The following ZFX variants were observed in gnomAD, a reference collection of about 807,000 sequenced individuals.
The protein encoded by ZFX is zinc finger protein X-linked.
For missense variants in ZFX, 362 were observed against 628.3 expected, an observed-to-expected ratio of 0.58 and a Z score of 4.53; for synonymous variants, 196 against 226.8, an observed-to-expected ratio of 0.86 and a Z score of 1.22.
chrX:24,184,075 T>G (rs1935912037), intron 5 of ZFX, among the ~76,000 whole-genome samples: 1 of 111,967 alleles, frequency 8.9e-6, no homozygotes, highest in Non-Finnish European at 1.9e-5. Flanking sequence ...CACAGATAAA[T>G]TTCATGTTTA....
At chrX:24,171,863 T>C (rs773710160) in intron 3 of ZFX, among the ~76,000 whole-genome samples, 1 of 108,555 alleles carries the variant, frequency 9.2e-6, no homozygotes, top group Non-Finnish European at 1.9e-5. Context: ...CAAAATGACT[T>C]TTCTCAGCTC....
intron 4 of ZFX, among the ~76,000 whole-genome samples, chrX:24,177,239 ATTTTATTTT>A (rs1935232389): frequency 8.9e-6 from 1 of 111,872 alleles, no homozygotes; most frequent in African/African-American, 3.2e-5. Flanking sequence ...GCCTTCTTTT[ATTTTATTTT>A]ATATTTTTGA....
At chrX:24,173,337 T>C (rs1354490927) in intron 4 of ZFX, among the ~76,000 whole-genome samples, 3 of 110,620 alleles carry the variant, frequency 2.7e-5, no homozygotes, top group Non-Finnish European at 3.8e-5. Context: ...TTCTCTATTC[T>C]CTAATACCCA....
At chrX:24,150,195 A>C (rs1437272079) in intron 1 of ZFX, 3 of 37,078 alleles carry the variant, frequency 8.1e-5, no homozygotes, top group Admixed American at 3.9e-4. Flanking sequence ...GGGGGGAGGG[A>C]CGGGGGACAA....
Position 24,210,334 on chromosome X carries a change from C to T in ZFX, c.1376C>T (p.Thr459Ile), listed in dbSNP as rs1322401348. Reference protein sequence around the residue: ...EHLAKKKYRCTDCDYTTNKKI... With the variant: ...EHLAKKKYRCIDCDYTTNKKI... Reference sequence around the variant, plus strand: ...CTTGCCAAGAAGAAATACCGCTGTACTGACTGTGATTACACTACCAACAAG... The same window carrying T: ...CTTGCCAAGAAGAAATACCGCTGTATTGACTGTGATTACACTACCAACAAG... Residue 459 changes from threonine (T) to isoleucine (I), a missense_variant, in exon 10 of 10, where the codon ACT becomes ATT. Thr to Ile is a moderately conservative substitution (Grantham distance 89). Transcript: ENST00000304543. 7.4e-6 allele frequency: 9 copies of T among 1,210,075 alleles called. No homozygotes were observed. Among genetic ancestry groups the T allele is most frequent in the Non-Finnish European group, 1.0e-5 (9 of 895,341 alleles).
At chrX:24,206,534 TGTGTGTGTGTGTGTGTA>T (rs1256576964) in intron 5 of ZFX, among the ~76,000 whole-genome samples, 5 of 98,445 alleles carry the variant, frequency 5.1e-5, no homozygotes, top group African/African-American at 2.0e-4. Flanking sequence ...TGTGTGTGTG[TGTGTGTGTGTGTGTGTA>T]TTTTTTTTTT....
intron 4 of ZFX, chrX:24,173,755 A>AT (rs748379061): frequency 0.056 from 19,248 of 342,902 alleles, 106 homozygotes; most frequent in African/African-American, 0.1. Flanking sequence ...TAACTTTTGT[A>AT]TTTTTTTTTT....
intron 5 of ZFX, among the ~76,000 whole-genome samples, chrX:24,198,559 T>C (rs1252314635): frequency 9.2e-6 from 1 of 108,774 alleles, no homozygotes; most frequent in Non-Finnish European, 1.9e-5. Context: ...TTAGCATTCA[T>C]ATATTTAACG....
intron 5 of ZFX, among the ~76,000 whole-genome samples, chrX:24,191,308 C>T (rs1285642721): frequency 4.5e-5 from 5 of 111,090 alleles, no homozygotes; most frequent in Admixed American, 3.9e-4. Flanking sequence ...TTGAATCGCT[C>T]TAGGAATGTT....
intron 5 of ZFX, among the ~76,000 whole-genome samples, chrX:24,201,875 C>T (rs1358446358): frequency 8.9e-6 from 1 of 112,232 alleles, no homozygotes; most frequent in East Asian, 2.8e-4. Flanking sequence ...TAGTTGTTTT[C>T]TAACTGCAAA....
In ZFX at chrX:24,207,838, C is replaced by T; in HGVS notation, c.923C>T (p.Pro308Leu). ...MVYMTVNDSQ[P>L]EDEDLNVAEI... ...TATATGACTGTCAATGACTCTCAGCCAGAAGATGAAGATTTAAGTAAGTAG... is the reference window on the plus strand; with the variant it reads ...TATATGACTGTCAATGACTCTCAGCTAGAAGATGAAGATTTAAGTAAGTAG... Residue 308 changes from proline (P) to leucine (L), a missense_variant, in exon 7 of 10, where the codon CCA becomes CTA. By Grantham distance (98) the Pro-to-Leu change is moderately conservative. Coordinates refer to ENST00000304543, the MANE Select transcript of ZFX (RefSeq NM_003410.4). 8.3e-7 allele frequency: 1 copy of T among 1,210,136 alleles called. No homozygotes were observed. Among genetic ancestry groups the T allele is most frequent in the Non-Finnish European group, 1.1e-6 (1 of 895,205 alleles).
intron 3 of ZFX, among the ~76,000 whole-genome samples, chrX:24,165,233 G>C (rs1933888548): frequency 8.9e-6 from 1 of 112,224 alleles, no homozygotes; most frequent in Non-Finnish European, 1.9e-5. Context: ...CAGTTCCCCT[G>C]CCTCAGCCTC....
chrX:24,186,607 A>T, intron 5 of ZFX, among the ~76,000 whole-genome samples: 1 of 110,849 alleles, frequency 9.0e-6, no homozygotes, highest in Non-Finnish European at 1.9e-5. Context: ...CGGGTGACAG[A>T]ACGAGACCCC....
chrX:24,185,102 C>T (rs1329576815), intron 5 of ZFX, among the ~76,000 whole-genome samples: 1 of 112,055 alleles, frequency 8.9e-6, no homozygotes, highest in Non-Finnish European at 1.9e-5. Flanking sequence ...CAGGCATGTG[C>T]CACCACACCC....
intron 5 of ZFX, among the ~76,000 whole-genome samples, chrX:24,190,217 G>A (rs886628550): frequency 6.3e-5 from 7 of 111,304 alleles, no homozygotes; most frequent in African/African-American, 2.0e-4. Flanking sequence ...TTATTTTTTT[G>A]TGGTGAGAAC....
Position 24,179,288 on chromosome X carries a change from T to A in ZFX, c.164T>A (p.Val55Asp), listed in dbSNP as rs1309196103. ...TCAGACATAACTGTGCATAACTTTGTTCCTGATGACCCAGATTCAGTTGTA... is the reference window on the plus strand; with the variant it reads ...TCAGACATAACTGTGCATAACTTTGATCCTGATGACCCAGATTCAGTTGTA... The part of the protein sequence containing the change: ...VDSDITVHNF[V>D]PDDPDSVVIQ... Residue 55 changes from valine to aspartate, a missense_variant, in exon 5 of 10, where the codon GTT becomes GAT. Physicochemically the swap from Val to Asp is radical, Grantham distance 152. Coordinates refer to ENST00000304543, the MANE Select transcript of ZFX (RefSeq NM_003410.4). 8.3e-7 allele frequency: 1 copy of A among 1,210,563 alleles called. No individual in the cohort carries two copies. Among genetic ancestry groups the A allele is most frequent in the Non-Finnish European group, 1.1e-6 (1 of 895,370 alleles).
chrX:24,163,697 T>G (rs1350137982), intron 3 of ZFX, among the ~76,000 whole-genome samples: 2 of 107,642 alleles, frequency 1.9e-5, no homozygotes, highest in African/African-American at 6.8e-5. Flanking sequence ...ATTTTTAAAA[T>G]TATTTTGTCA....
At position 24,179,487 on chromosome X, in the gene ZFX, C is replaced by T. The variant is rs960116239; in HGVS notation, c.363C>T (p.Asp121=). 8.2e-7 allele frequency: 1 copy of T among 1,212,219 alleles called. No homozygotes were observed. The highest frequency in any genetic ancestry group is 1.7e-5 in the African/African-American group (1 of 57,881). Reference sequence around the variant, plus strand: ...TCCCAGATGATGTTTTAGCTTCTGACATTACTTCAGCCTCAATGTCTATGC... The same window carrying T: ...TCCCAGATGATGTTTTAGCTTCTGATATTACTTCAGCCTCAATGTCTATGC... The part of the protein sequence containing the change: ...CTVPDDVLAS[D]ITSASMSMPE... The change falls in exon 5 of 10, where the codon GAC becomes GAT. Residue 121 remains aspartate, a synonymous_variant. Coordinates refer to ENST00000304543, the MANE Select transcript of ZFX (RefSeq NM_003410.4).
chrX:24,213,847 T>A lies in ZFX; in HGVS notation c.*2471T>A, dbSNP rs1938285777. 9.0e-6 allele frequency: 1 copy of A among 111,096 alleles called. No individual in the cohort carries two copies. Among genetic ancestry groups the A allele is most frequent in the African/African-American group, 3.3e-5 (1 of 30,456 alleles). The allele number at this position is 111,096 out of a possible 1,213,427, so 9.2% of individuals were successfully genotyped here. On this transcript the variant is annotated 3_prime_UTR_variant, in exon 10 of 10. Transcript: ENST00000304543. Reference sequence around the variant, plus strand: ...AAACACTTAAATGAAAGTGGAAATGTATTAATTTTAAATCCTATAAAATTA... The same window carrying A: ...AAACACTTAAATGAAAGTGGAAATGAATTAATTTTAAATCCTATAAAATTA...
Sources: allele counts gnomAD v4.1 joint callset (sites outside exome capture counted in the v4.1 genomes callset), GRCh38; gene constraint gnomAD v4.1.1; transcripts MANE v1.5; gene names NCBI Gene and HGNC (gene_info 2026-07-23, HGNC 2026-07-21).